ABHD8: variants seen among roughly 807,000 people sequenced by gnomAD.
The protein encoded by ABHD8 is abhydrolase domain containing 8.
Under a neutral mutation model 29.3 loss-of-function variants are expected in ABHD8, and 10 were observed. The ratio of observed to expected loss-of-function variants is 0.34; its 90% CI spans 0.21 to 0.58. ABHD8 has a LOEUF of 0.58. Among genes scored for constraint, ABHD8 ranks in the 20% least tolerant of loss-of-function variants. The probability of loss-of-function intolerance (pLI) is 0.85; values close to 1 mark genes in which losing one functional copy is unlikely to be tolerated. For synonymous variants in ABHD8, 282 were observed against 274.6 expected (o/e 1.03, Z -0.27); for missense variants, 556 against 615.3 (o/e 0.90, Z 1.02).
rs777034090 is a variant in ABHD8, at chr19:17,292,898, G to A, written c.1150-67C>T. On this transcript the variant is annotated intron_variant, in intron 4 of 4. Coordinates refer to ENST00000247706, the MANE Select transcript of ABHD8 (RefSeq NM_024527.5). ...GTGGAGAGAGGCCAGGCTTCCCTGG[G>A]ACTCCGCCATACACACATGGCCCAC... is the stretch of plus-strand genomic sequence containing the variant. 19 of 1,533,152 alleles carry A rather than the reference G, an allele frequency of 1.2e-5. No individual in the cohort carries two copies. In the South Asian group the frequency reaches 2.2e-4, roughly 18 times the overall value. 95.0% of individuals were successfully genotyped at this position (1,533,152 alleles called of 1,614,324 possible). A position where few individuals can be genotyped will look rare whatever the true frequency, so the allele number is the denominator to read the frequency against.
chr19:17,292,546 C>G lies in ABHD8; in HGVS notation c.*115G>C. 3 of 1,275,164 alleles carry G rather than the reference C, an allele frequency of 2.4e-6. No homozygotes were observed. Among genetic ancestry groups the G allele is most frequent in the Non-Finnish European group, 2.1e-6 (2 of 968,604 alleles). 79.0% of individuals were successfully genotyped at this position (1,275,164 alleles called of 1,614,324 possible). On this transcript the variant is annotated 3_prime_UTR_variant, in exon 5 of 5. Transcript: ENST00000247706. Reference sequence around the variant, plus strand: ...CTGGGGGCGTCTCCCTGACCTGGCCCCGCCCACCGGAGCGAACGGCCCGCC... The same window carrying G: ...CTGGGGGCGTCTCCCTGACCTGGCCGCGCCCACCGGAGCGAACGGCCCGCC...
chr19:17,299,906 T>C (rs1038978679), intron 2 of ABHD8, among the ~76,000 whole-genome samples: 20 of 99,220 alleles, frequency 2.0e-4, no homozygotes, highest in Non-Finnish European at 4.1e-4. Flanking sequence ...GGTGGCCCCT[T>C]TTTTTTTTTT....
At chr19:17,299,357 C>T (rs1438781059) in intron 2 of ABHD8, among the ~76,000 whole-genome samples, 6 of 151,288 alleles carry the variant, frequency 4.0e-5, no homozygotes, top group South Asian at 4.2e-4. Context: ...GTCAGGAGAT[C>T]GAGACCATCC....
intron 2 of ABHD8, among the ~76,000 whole-genome samples, chr19:17,295,358 C>T (rs28473003): frequency 0.28 from 43,091 of 151,716 alleles, 6,569 homozygotes; most frequent in African/African-American, 0.35. Context: ...CCATCCGCCT[C>T]GGCCTCCCAA....
Position 17,301,350 on chromosome 19 carries a change from C to T in ABHD8, c.267G>A (p.Arg89=). The change falls in exon 2 of 5, where the codon CGG becomes CGA. Residue 89 remains arginine (R), a synonymous_variant. Transcript: ENST00000247706. The stretch of plus-strand genomic sequence containing the variant: ...CTCGGCCCAGGTTTTCCACCAGCAA[C>T]CGCCCATTGCGGTACACGGTGATCC... The part of the protein sequence containing the change: ...QRRITVYRNG[R]LLVENLGRAP... 6.2e-7 allele frequency: 1 copy of T among 1,609,680 alleles called. No homozygotes were observed. The highest frequency in any genetic ancestry group is 8.5e-7 in the Non-Finnish European group (1 of 1,179,898).
At chr19:17,293,492 C>A (rs1334102388) in intron 4 of ABHD8, among the ~76,000 whole-genome samples, 1 of 137,080 alleles carries the variant, frequency 7.3e-6, no homozygotes, top group African/African-American at 2.7e-5. Context: ...GGGCGGGTAG[C>A]TGGGGTGGGG....
rs1300077486 is a variant in ABHD8, at chr19:17,292,330, G to A, written c.*331C>T. The A allele has an allele frequency of 4.3e-4, 176 of 405,556 alleles. No individual in the cohort carries two copies. In the East Asian group the frequency reaches 6.5e-3, roughly 15 times the overall value. The allele number at this position is 405,556 out of a possible 1,614,324, so 25.1% of individuals were successfully genotyped here. On this transcript the variant is annotated 3_prime_UTR_variant, in exon 5 of 5. Transcript: ENST00000247706. ...TCCCAGGATCAAGCACGGCTGACAC[G>A]GAAGACAGCGGGGTGGGGGGCCTGC... is the stretch of plus-strand genomic sequence containing the variant.
intron 4 of ABHD8, among the ~76,000 whole-genome samples, chr19:17,293,612 T>C (rs1416987933): frequency 6.6e-6 from 1 of 151,906 alleles, no homozygotes. Context: ...AATGTCTCCA[T>C]GCATTTCCAC....
At chr19:17,301,727 G>A (rs1406763691) in intron 1 of ABHD8, 103 bp from the exon 2 acceptor site, 1 of 1,338,212 alleles carries the variant, frequency 7.5e-7, no homozygotes, top group Non-Finnish European at 9.7e-7. Flanking sequence ...TTAGACTCCA[G>A]TTTGGGGAGC....
In ABHD8 at chr19:17,301,161, C is replaced by T. The variant is rs1470296365; in HGVS notation, c.456G>A (p.Arg152=). ...SGSGGRRRRA[R]RPKRTIHIDC... ...CAATATGGATGGTCCTCTTGGGGCG[C>T]CTGGCTCGCCGCCGCCGCCCACCAC... The change falls in exon 2 of 5, where the codon AGG becomes AGA. Residue 152 remains arginine (R), a synonymous_variant. Coordinates refer to ENST00000247706, the MANE Select transcript of ABHD8 (RefSeq NM_024527.5). 1.9e-5 allele frequency: 31 copies of T among 1,610,548 alleles called. No homozygotes were observed. The highest frequency in any genetic ancestry group is 2.5e-5 in the Non-Finnish European group (29 of 1,179,542).
At chr19:17,294,219 G>T in intron 4 of ABHD8, 69 bp downstream of exon 4, 13 of 1,537,706 alleles carry the variant, frequency 8.5e-6, no homozygotes, top group African/African-American at 1.4e-5. Context: ...GCCCCCCGCA[G>T]AGGCCACGCC....
intron 2 of ABHD8, among the ~76,000 whole-genome samples, chr19:17,297,303 G>GT (rs901414762): frequency 2.0e-5 from 3 of 151,576 alleles, no homozygotes; most frequent in Non-Finnish European, 2.9e-5. Context: ...TTGTTTTTTT[G>GT]TTTTTTTCTC....
intron 2 of ABHD8, 109 bp from the exon 3 acceptor site, chr19:17,294,954 T>A (rs1415149471): frequency 1.1e-5 from 15 of 1,339,650 alleles, no homozygotes; most frequent in African/African-American, 2.9e-5. Flanking sequence ...GAGACAGTTT[T>A]ACTCTGTCCC....
Position 17,292,239 on chromosome 19 carries a change from A to T in ABHD8, c.*422T>A. The T allele has an allele frequency of 5.1e-6, 1 of 194,906 alleles. No homozygotes were observed. Among genetic ancestry groups the T allele is most frequent in the Non-Finnish European group, 1.0e-5 (1 of 96,588 alleles). 12.1% of individuals were successfully genotyped at this position (194,906 alleles called of 1,614,324 possible). Reference sequence around the variant, plus strand: ...GCAAAAATAGCTCCCAGCGCCGAGGAATGGGGGGTAGGAAGGGTCTCGGAT... The same window carrying T: ...GCAAAAATAGCTCCCAGCGCCGAGGTATGGGGGGTAGGAAGGGTCTCGGAT... On this transcript the variant is annotated 3_prime_UTR_variant, in exon 5 of 5. Coordinates refer to ENST00000247706, the MANE Select transcript of ABHD8 (RefSeq NM_024527.5).
At chr19:17,297,057 C>A (rs1402209938) in intron 2 of ABHD8, among the ~76,000 whole-genome samples, 2 of 152,186 alleles carry the variant, frequency 1.3e-5, no homozygotes, top group Admixed American at 6.6e-5. Context: ...GGCCTGCAAA[C>A]CTAAAATATT....
chr19:17,295,937 C>T (rs1035662988), intron 2 of ABHD8, among the ~76,000 whole-genome samples: 4 of 152,132 alleles, frequency 2.6e-5, no homozygotes, highest in South Asian at 2.1e-4. Flanking sequence ...TCTTGAACTC[C>T]TGGGCTCAAG....
Position 17,292,333 on chromosome 19 carries a change from A to C in ABHD8, c.*328T>G. 2.5e-6 allele frequency: 1 copy of C among 402,486 alleles called. No homozygotes were observed. The highest frequency in any genetic ancestry group is 4.4e-6 in the Non-Finnish European group (1 of 226,946). 24.9% of individuals were successfully genotyped at this position (402,486 alleles called of 1,614,324 possible). On this transcript the variant is annotated 3_prime_UTR_variant, in exon 5 of 5. Transcript: ENST00000247706. ...CAGGATCAAGCACGGCTGACACGGA[A>C]GACAGCGGGGTGGGGGGCCTGCCTT...
At chr19:17,294,924 CTTTGTT>C in intron 2 of ABHD8, 79 bp from the exon 3 acceptor site, 4 of 1,528,056 alleles carry the variant, frequency 2.6e-6, no homozygotes, top group African/African-American at 1.4e-5. Flanking sequence ...TTTTGTTTTG[CTTTGTT>C]TTTGTTTTTG....
chr19:17,301,025 A>G lies in ABHD8; in HGVS notation c.592T>C (p.Phe198Leu). ...LAIWKEQLDF[F>L]VRLGYEVVAP... ...ACCACCTCATAGCCTAGGCGCACAAAGAAGTCCAGCTGCTCCTTCCAGATG... is the reference window on the plus strand; with the variant it reads ...ACCACCTCATAGCCTAGGCGCACAAGGAAGTCCAGCTGCTCCTTCCAGATG... The change falls in exon 2 of 5, where the codon TTT (phenylalanine) becomes CTT (leucine). Residue 198 changes from phenylalanine (F) to leucine (L), a missense_variant. Physicochemically the swap from Phe to Leu is conservative, Grantham distance 22. This residue lies in a region of ABHD8 where 270 missense variants were observed against 353.9 expected (regional missense o/e 0.76). Coordinates refer to ENST00000247706, the MANE Select transcript of ABHD8 (RefSeq NM_024527.5). The G allele has an allele frequency of 6.2e-7, 1 of 1,613,504 alleles. No individual in the cohort carries two copies. Among genetic ancestry groups the G allele is most frequent in the South Asian group, 1.1e-5 (1 of 91,092 alleles).
Sources: allele counts gnomAD v4.1 joint callset (sites outside exome capture counted in the v4.1 genomes callset), GRCh38; gene constraint gnomAD v4.1.1; regional missense constraint gnomAD v4.1.1; transcripts MANE v1.5; gene names NCBI Gene and HGNC (gene_info 2026-07-23, HGNC 2026-07-21).